ZMYM6: variants seen among roughly 807,000 people sequenced by gnomAD.
The protein encoded by ZMYM6 is zinc finger MYM-type containing 6.
A neutral mutation model predicts 134.0 loss-of-function variants in ZMYM6; 90 were observed. The ratio of observed to expected loss-of-function variants is 0.67; its 90% confidence interval spans 0.57 to 0.80. ZMYM6 has a LOEUF of 0.80. ZMYM6 is among the 30% of genes least tolerant of loss of function. The pLI is 0.00. For synonymous variants in ZMYM6, 481 were observed against 524.1 expected, an observed-to-expected ratio of 0.92 and a Z score of 1.12; for missense variants, 1,362 against 1,533.9, an observed-to-expected ratio of 0.89 and a Z score of 1.87.
Position 35,014,620 on chromosome 1 carries a change from T to G in ZMYM6, c.795+77A>C. Reference sequence around the variant, plus strand: ...ATGGACTAATGGGAGGAGCTCACTCTCATTTTGTAGTTCATCCCTGTGCAG... The same window carrying G: ...ATGGACTAATGGGAGGAGCTCACTCGCATTTTGTAGTTCATCCCTGTGCAG... On this transcript the variant is annotated intron_variant, in intron 6 of 15. Coordinates refer to ENST00000357182, the MANE Select transcript of ZMYM6 (RefSeq NM_007167.4). The G allele has an allele frequency of 7.2e-6, 10 of 1,397,378 alleles. No individual in the cohort carries two copies. The South Asian group carries it at 1.3e-4, about 19-fold the overall frequency. The allele number at this position is 1,397,378 out of a possible 1,614,324, so 86.6% of individuals were successfully genotyped here. A position where few individuals can be genotyped will look rare whatever the true frequency, so the allele number is the denominator to read the frequency against.
intron 2 of ZMYM6, among the ~76,000 whole-genome samples, chr1:35,025,466 CAAA>C (rs1161814959): frequency 5.5e-5 from 3 of 55,008 alleles, no homozygotes; most frequent in East Asian, 4.7e-4. Context: ...GACTCCATCC[CAAA>C]AAAAAAAAAA....
In ZMYM6 at chr1:34,987,919, C is replaced by A; in HGVS notation, c.3163G>T (p.Glu1055Ter). The change falls in exon 16 of 16, where the codon GAA becomes TAA. Residue 1055 changes from glutamate (E) to a stop codon, truncating the protein, a stop_gained. Transcript: ENST00000357182. LOFTEE classifies it high-confidence loss of function. ...LNSRMLTILC[E>*]EMGSEHVSLP... ...CTCACATGCTCAGATCCCATCTCTT[C>A]ACACAAAATTGTTAACATACGTGAA... The A allele has an allele frequency of 6.4e-7, 1 of 1,551,680 alleles. No homozygotes were observed. The highest frequency in any genetic ancestry group is 8.7e-7 in the Non-Finnish European group (1 of 1,146,966).
intron 3 of ZMYM6, 52 bp downstream of exon 3, chr1:35,020,331 A>C: frequency 6.7e-7 from 1 of 1,494,764 alleles, no homozygotes; most frequent in South Asian, 1.2e-5. Flanking sequence ...CAATTTTAAA[A>C]GTCAGAATAA....
chr1:34,994,382 TA>T (rs1403580771), intron 14 of ZMYM6, among the ~76,000 whole-genome samples: 2 of 151,946 alleles, frequency 1.3e-5, no homozygotes, highest in African/African-American at 2.4e-5. Context: ...TTCAAAAGAG[TA>T]AGCCATGCAA....
Position 35,006,990 on chromosome 1 carries a change from G to A in ZMYM6, c.1774C>T (p.His592Tyr). 1.2e-6 allele frequency: 2 copies of A among 1,610,600 alleles called. No homozygotes were observed. Among genetic ancestry groups the A allele is most frequent in the South Asian group, 2.2e-5 (2 of 89,746 alleles). Reference sequence around the variant, plus strand: ...AGACAGTCATTCATAATTTGCTGATGACAAAACTCCAAGACACAAAATAGG... The same window carrying A: ...AGACAGTCATTCATAATTTGCTGATAACAAAACTCCAAGACACAAAATAGG... ...CNLFCVLEFC[H>Y]QQIMNDCLPQ... Residue 592 changes from histidine to tyrosine, a missense_variant, in exon 12 of 16, where the codon CAT becomes TAT. Coordinates refer to ENST00000357182, the MANE Select transcript of ZMYM6 (RefSeq NM_007167.4).
At chr1:35,014,412 G>A (rs889786139) in intron 6 of ZMYM6, among the ~76,000 whole-genome samples, 2 of 152,138 alleles carry the variant, frequency 1.3e-5, no homozygotes, top group Non-Finnish European at 2.9e-5. Flanking sequence ...ACACCGGCCT[G>A]AGCAACATGG....
rs752388925 is a variant in ZMYM6, at chr1:35,010,894, C to T, written c.1205G>A (p.Arg402His). The T allele has an allele frequency of 7.4e-6, 12 of 1,613,796 alleles. No homozygotes were observed. Among genetic ancestry groups the T allele is most frequent in the South Asian group, 1.1e-5 (1 of 91,050 alleles). Residue 402 changes from arginine to histidine, a missense_variant, in exon 9 of 16, where the codon CGT becomes CAT. Arg to His is a conservative substitution (Grantham distance 29). Transcript: ENST00000357182. ...NTSAVSPSSI[R>H]GSAAASLQPL... ...TTGGAGGCTGGCTGCAGCAGAGCCA[C>T]GGATGGAGCTGGGGGAAACGGCAGA...
At chr1:34,991,090 C>T (rs554240245) in intron 15 of ZMYM6, among the ~76,000 whole-genome samples, 1 of 152,290 alleles carries the variant, frequency 6.6e-6, no homozygotes, top group South Asian at 2.1e-4. Context: ...TCTCAAACTC[C>T]TGACCTCAGG....
chr1:34,990,886 C>T (rs113380485), intron 15 of ZMYM6, among the ~76,000 whole-genome samples: 2,654 of 152,138 alleles, frequency 0.017, 89 homozygotes, highest in African/African-American at 0.061. Context: ...TTAAAAGAGA[C>T]GGAGTTTCAC....
At chr1:35,029,433 G>A (rs764536800) in intron 2 of ZMYM6, among the ~76,000 whole-genome samples, 22 of 151,722 alleles carry the variant, frequency 1.5e-4, no homozygotes, top group South Asian at 4.2e-4. Flanking sequence ...CTGTAAAATG[G>A]GGATAATAAT....
Position 34,987,178 on chromosome 1 carries a change from A to T in ZMYM6, c.3904T>A (p.Ser1302Thr). Residue 1302 changes from serine to threonine, a missense_variant, in exon 16 of 16, where the codon TCT becomes ACT. Coordinates refer to ENST00000357182, the MANE Select transcript of ZMYM6 (RefSeq NM_007167.4). Reference protein sequence around the residue: ...TESKQKNLLGSGPALRLAVTS... With the variant: ...TESKQKNLLGTGPALRLAVTS... ...ACTGCAAGTCTTAGGGCAGGGCCAG[A>T]ACCCAACAGATTTTTTTGTTTTGAC... The T allele has an allele frequency of 6.2e-7, 1 of 1,612,210 alleles. No homozygotes were observed. Among genetic ancestry groups the T allele is most frequent in the Non-Finnish European group, 8.5e-7 (1 of 1,179,424 alleles).
chr1:35,020,334 C>A, intron 3 of ZMYM6, 49 bp downstream of exon 3: 2 of 1,505,098 alleles, frequency 1.3e-6, no homozygotes, highest in South Asian at 2.5e-5. Flanking sequence ...TTTTAAAAGT[C>A]AGAATAAGCA....
chr1:35,030,546 C>G lies in ZMYM6; in HGVS notation c.93+1G>C. ...TTTTTAAATGAAGATGAAATGCTTA[C>G]TTGAGCATTGTCTGGTTCTTCTTTA... On this transcript the variant is annotated splice_donor_variant, in intron 2 of 15. Coordinates refer to ENST00000357182, the MANE Select transcript of ZMYM6 (RefSeq NM_007167.4). LOFTEE classifies it high-confidence loss of function. The G allele has an allele frequency of 6.2e-7, 1 of 1,605,170 alleles. No homozygotes were observed. Among genetic ancestry groups the G allele is most frequent in the South Asian group, 1.1e-5 (1 of 89,444 alleles).
At chr1:35,015,743 A>AAAAAAATATATAT in intron 4 of ZMYM6, among the ~76,000 whole-genome samples, 14 of 106,454 alleles carry the variant, frequency 1.3e-4, no homozygotes, top group African/African-American at 7.9e-4. Context: ...AAAAAAAAAA[A>AAAAAAATATATAT]ATATATATAT....
intron 14 of ZMYM6, among the ~76,000 whole-genome samples, chr1:34,995,265 T>C (rs953388193): frequency 1.3e-5 from 2 of 148,978 alleles, no homozygotes; most frequent in Non-Finnish European, 3.0e-5. Context: ...TTTGGTATGA[T>C]TCATGGTTTC....
In ZMYM6 at chr1:34,988,352, A is replaced by C; in HGVS notation, c.2730T>G (p.Leu910=). Residue 910 remains leucine, a synonymous_variant, in exon 16 of 16, where the codon CTT becomes CTG. Transcript: ENST00000357182. ...AGATTTCTGATGACTCATCTATCTG[A>C]AGGGCAAACCACTTTGACTCTCTGA... is the stretch of plus-strand genomic sequence containing the variant. ...QKVRESKWFA[L]QIDESSEISN... is the part of the protein sequence containing the mutation. 1.3e-6 allele frequency: 2 copies of C among 1,551,620 alleles called. No individual in the cohort carries two copies. Among genetic ancestry groups the C allele is most frequent in the Non-Finnish European group, 1.7e-6 (2 of 1,146,950 alleles).
chr1:35,012,476 T>C lies in ZMYM6; in HGVS notation c.901A>G (p.Ile301Val), dbSNP rs1461739733. 2.1e-5 allele frequency: 34 copies of C among 1,610,832 alleles called. No individual in the cohort carries two copies. Among genetic ancestry groups the C allele is most frequent in the Middle Eastern group, 1.6e-4 (1 of 6,068 alleles). ...ACTCTGTAAGCAGATAAGCAATTAA[T>C]AGAGCAGAAAAGCTCTGTTTTTCCT... ...DSGKTELFCS[I>V]NCLSAYRVKT... The change falls in exon 7 of 16, where the codon ATT (isoleucine) becomes GTT (valine). Residue 301 changes from isoleucine to valine, a missense_variant. This residue lies in a region of ZMYM6 where 503 missense variants were observed against 520.8 expected (regional missense o/e 0.97). Coordinates refer to ENST00000357182, the MANE Select transcript of ZMYM6 (RefSeq NM_007167.4).
chr1:34,991,624 G>T (rs1234404431), intron 15 of ZMYM6, among the ~76,000 whole-genome samples: 1 of 152,046 alleles, frequency 6.6e-6, no homozygotes, highest in Non-Finnish European at 1.5e-5. Flanking sequence ...ACAAAAATTA[G>T]CCGGGCATGG....
intron 14 of ZMYM6, among the ~76,000 whole-genome samples, chr1:34,999,408 T>C (rs12408732): frequency 0.059 from 9,051 of 152,122 alleles, 589 homozygotes; most frequent in East Asian, 0.38. Context: ...TAGAGGAGTT[T>C]TTCCATAAAG....
Sources: allele counts gnomAD v4.1 joint callset (sites outside exome capture counted in the v4.1 genomes callset), GRCh38; gene constraint gnomAD v4.1.1; regional missense constraint gnomAD v4.1.1; transcripts MANE v1.5; gene names NCBI Gene and HGNC (gene_info 2026-07-23, HGNC 2026-07-21).